The following ADCK5 variants were observed in gnomAD, a reference collection of about 807,000 sequenced individuals.
ADCK5 encodes the protein aarF domain containing kinase 5.
ADCK5 carries 43 observed loss-of-function variants against 64.9 expected under a neutral mutation model. The observed-to-expected ratio is 0.66, with a 90% confidence interval of 0.52 to 0.85. ADCK5 has a LOEUF of 0.85. Ranked by LOEUF, ADCK5 falls within the 40% of genes least tolerant of loss-of-function variation. The pLI is 0.00. For missense variants in ADCK5, 760 were observed against 810.5 expected (o/e 0.94, Z 0.76); for synonymous variants, 434 against 342.8 (o/e 1.27, Z -2.94).
chr8:144,374,154 C>A (rs1457065251), intron 1 of ADCK5, 47 bp downstream of exon 1: 3 of 1,247,350 alleles, frequency 2.4e-6, no homozygotes, highest in Non-Finnish European at 3.0e-6. Flanking sequence ...GCACACCAGC[C>A]CCAGAGACCC....
rs1446342775 is a variant in ADCK5 at position 144,392,176 on chromosome 8, C to A, written c.1175+6C>A. 1 of 680,370 alleles carries A rather than the reference C, an allele frequency of 1.5e-6. No homozygotes were observed. The highest frequency in any genetic ancestry group is 2.3e-5 in the Admixed American group (1 of 43,204). 42.1% of individuals were successfully genotyped at this position (680,370 alleles called of 1,614,324 possible). A position where few individuals can be genotyped will look rare whatever the true frequency, so the allele number is the denominator to read the frequency against. On this transcript the variant is annotated splice_donor_region_variant and intron_variant, in intron 11 of 14. Coordinates refer to ENST00000308860, the MANE Select transcript of ADCK5 (RefSeq NM_174922.5). ...TACCAGTTCCTGGAGGAGAAGTGAG[C>A]GCGGGTGGGTGGGCGTGGGGCAGGG...
chr8:144,391,122 C>T lies in ADCK5; in HGVS notation c.544-12C>T. ...AGTGGCCCCAGGCTGCTCTGAGCAC[C>T]TGTCCTTCCAGGTGGATGAGTTGTT... On this transcript the variant is annotated splice_polypyrimidine_tract_variant and intron_variant, in intron 5 of 14. Transcript: ENST00000308860. 3 of 1,610,540 alleles carry T rather than the reference C, an allele frequency of 1.9e-6. No individual in the cohort carries two copies. Among genetic ancestry groups the T allele is most frequent in the Non-Finnish European group, 1.7e-6 (2 of 1,179,992 alleles).
chr8:144,392,063 C>T (rs1554860909), intron 10 of ADCK5, 29 bp from the exon 11 acceptor site: 4 of 1,612,222 alleles, frequency 2.5e-6, no homozygotes, highest in Middle Eastern at 3.3e-4. Context: ...AGGGTGGGCG[C>T]AGCGCGACCT....
chr8:144,386,387 C>CG lies in ADCK5; in HGVS notation c.266+3158dup, dbSNP rs1819928808. Among the ~76,000 whole-genome samples the CG allele has an allele frequency of 2.7e-5, 4 of 147,018 alleles. No individual in the cohort carries two copies. The Admixed American group carries it at 2.7e-4, about 10-fold the overall frequency. On this transcript the variant is annotated intron_variant, in intron 3 of 14. Transcript: ENST00000308860. ...TTTTTTATTTTTTGAGATGGAGTTTCGCTCTTGCTGCCCAGGCTGGAGTGC... is the reference window on the plus strand; with the variant it reads ...TTTTTTATTTTTTGAGATGGAGTTTCGGCTCTTGCTGCCCAGGCTGGAGTGC...
chr8:144,391,861 C>T lies in ADCK5; in HGVS notation c.1009C>T (p.His337Tyr), dbSNP rs781920182. 7.7e-7 allele frequency: 1 copy of T among 1,303,484 alleles called. No individual in the cohort carries two copies. Among genetic ancestry groups the T allele is most frequent in the South Asian group, 1.2e-5 (1 of 82,600 alleles). 80.7% of individuals were successfully genotyped at this position (1,303,484 alleles called of 1,614,324 possible). ...CATCAGGAGCCAGGGGCTGGCAGTG[C>T]ATGACGTGAGTGCGGGGGGGCGGGG... is the stretch of plus-strand genomic sequence containing the variant. The part of the protein sequence containing the change: ...EAIRSQGLAV[H>Y]DIAEKLIKAF... Residue 337 changes from histidine to tyrosine, a missense_variant, in exon 9 of 15, where the codon CAT becomes TAT. Physicochemically the swap from His to Tyr is moderately conservative, Grantham distance 83. Transcript: ENST00000308860.
At chr8:144,375,540 T>G (rs1819328182) in intron 1 of ADCK5, 2 of 985,298 alleles carry the variant, frequency 2.0e-6, no homozygotes, top group Admixed American at 1.2e-4. Flanking sequence ...AGCTGCATCC[T>G]CCTCATCTGC....
At position 144,376,406 on chromosome 8, in the gene ADCK5, G is replaced by A. The variant is rs1243502127; in HGVS notation, c.12+2299G>A. Among the ~76,000 whole-genome samples the A allele has an allele frequency of 6.6e-6, 1 of 152,218 alleles. No individual in the cohort carries two copies. The highest frequency in any genetic ancestry group is 2.4e-5 in the African/African-American group (1 of 41,454). The stretch of plus-strand genomic sequence containing the variant: ...CACGGTGAACAAGGTGGAGCGGGAC[G>A]TGAGCATGAGCAAGGCTGCTGGTGG... On this transcript the variant is annotated intron_variant, in intron 1 of 14. Transcript: ENST00000308860. The surrounding 1 kb of genome is among the most constrained non-coding windows in gnomAD (Gnocchi z 5.1).
chr8:144,384,191 G>A lies in ADCK5; in HGVS notation c.266+961G>A, dbSNP rs1464059562. Among the ~76,000 whole-genome samples the A allele has an allele frequency of 6.6e-6, 1 of 152,114 alleles. No homozygotes were observed. Among genetic ancestry groups the A allele is most frequent in the African/African-American group, 2.4e-5 (1 of 41,428 alleles). On this transcript the variant is annotated intron_variant, in intron 3 of 14. Transcript: ENST00000308860. This position sits in a 1 kb window ranked among gnomAD's most constrained non-coding sequence, Gnocchi z 5.7. Reference sequence around the variant, plus strand: ...GCCTCCCAAAGTGCTGGGATGACAGGCGTGAGTCACCGTGCCCAGCCCCCA... The same window carrying A: ...GCCTCCCAAAGTGCTGGGATGACAGACGTGAGTCACCGTGCCCAGCCCCCA...
Position 144,392,704 on chromosome 8 carries a change from G to T in ADCK5, c.1520+7G>T, listed in dbSNP as rs781841125. 2 of 1,591,654 alleles carry T rather than the reference G, an allele frequency of 1.3e-6. No individual in the cohort carries two copies. Among genetic ancestry groups the T allele is most frequent in the Non-Finnish European group, 1.7e-6 (2 of 1,168,920 alleles). On this transcript the variant is annotated splice_region_variant and intron_variant, in intron 13 of 14. Coordinates refer to ENST00000308860, the MANE Select transcript of ADCK5 (RefSeq NM_174922.5). ...ACTTCCTTATGGCTAAAAGGTCGGT[G>T]GCCCGAGGAGGCGCCCGGGCCGTGG...
At chr8:144,390,286 C>T (rs960573413) in intron 3 of ADCK5, among the ~76,000 whole-genome samples, 1 of 152,336 alleles carries the variant, frequency 6.6e-6, no homozygotes, top group East Asian at 1.9e-4. Context: ...ACCACCGTGC[C>T]TGCCTAATTT....
chr8:144,382,709 C>G (rs559833745), intron 2 of ADCK5, among the ~76,000 whole-genome samples: 4 of 152,328 alleles, frequency 2.6e-5, no homozygotes, highest in South Asian at 2.1e-4. Context: ...TTGAATCCTG[C>G]GAGGTGGACG....
At position 144,383,148 on chromosome 8, in the gene ADCK5, C is replaced by T. The variant is rs782600324; in HGVS notation, c.184C>T (p.Leu62Phe). The change falls in exon 3 of 15, where the codon CTC becomes TTC. Residue 62 changes from leucine to phenylalanine, a missense_variant. Leu to Phe is a conservative substitution (Grantham distance 22). Transcript: ENST00000308860. ...STAVVGAPLL[L>F]GARYVMAEAR... ...CGCGGTAGTGGGGGCGCCCCTGCTC[C>T]TCGGAGCCCGCTATGTCATGGCAGA... The T allele has an allele frequency of 6.3e-7, 1 of 1,593,268 alleles. No homozygotes were observed. The highest frequency in any genetic ancestry group is 1.1e-5 in the South Asian group (1 of 87,518).
At chr8:144,385,449 G>T (rs2130710969) in intron 3 of ADCK5, among the ~76,000 whole-genome samples, 1 of 151,246 alleles carries the variant, frequency 6.6e-6, no homozygotes, top group Middle Eastern at 3.4e-3. Context: ...CTCTCAAAGT[G>T]CTGGGATTAC....
intron 1 of ADCK5, among the ~76,000 whole-genome samples, chr8:144,374,767 C>A (rs1554856806): frequency 6.6e-6 from 1 of 152,182 alleles, no homozygotes. Flanking sequence ...GCTCTGAGCG[C>A]CCCTGCGTCG....
chr8:144,390,630 G>T, intron 3 of ADCK5, 41 bp from the exon 4 acceptor site: 1 of 1,602,872 alleles, frequency 6.2e-7, no homozygotes, highest in East Asian at 2.2e-5. Context: ...CCGGGGCCCC[G>T]AGCCTGCCCC....
At chr8:144,379,591 C>T in intron 2 of ADCK5, 101 bp downstream of exon 2, 1 of 958,790 alleles carries the variant, frequency 1.0e-6, no homozygotes, top group Admixed American at 2.9e-5. Context: ...GCTGGACCTT[C>T]TCCTGTACCC....
rs1045125341 is a variant in ADCK5 at position 144,391,074 on chromosome 8, C to G, written c.543+18C>G. 5.6e-6 allele frequency: 9 copies of G among 1,611,060 alleles called. No homozygotes were observed. The highest frequency in any genetic ancestry group is 2.2e-5 in the South Asian group (2 of 91,080). On this transcript the variant is annotated intron_variant, in intron 5 of 14. Transcript: ENST00000308860. ...TCCAGGAGGTGAGTGTGCGCTCAGG[C>G]CGAGGGAGGTGGGGCCTCCAGCAGT...
intron 3 of ADCK5, among the ~76,000 whole-genome samples, chr8:144,386,492 GAATT>G (rs1819934185): frequency 6.6e-6 from 1 of 151,870 alleles, no homozygotes; most frequent in Non-Finnish European, 1.5e-5. Context: ...TGAGTAGCTG[GAATT>G]ACAGGTGCCC....
At chr8:144,375,542 C>A in intron 1 of ADCK5, 1 of 985,460 alleles carries the variant, frequency 1.0e-6, no homozygotes, top group East Asian at 1.1e-4. Context: ...CTGCATCCTC[C>A]TCATCTGCAG....
Sources: gnomAD v4.1 joint callset for allele counts (sites outside exome capture counted in the v4.1 genomes callset) on GRCh38, gnomAD v4.1.1 for gene constraint, Gnocchi (gnomAD v3.1) non-coding constraint, MANE v1.5 for transcripts, NCBI Gene and HGNC (gene_info 2026-07-23, HGNC 2026-07-21) for gene names.